UEVLD: variants seen among roughly 807,000 people sequenced by gnomAD.
UEVLD encodes the protein UEV and lactate/malate dehyrogenase domains.
In UEVLD, 47 loss-of-function variants were observed where a neutral mutation model predicts 58.6. The ratio of observed to expected loss-of-function variants is 0.80; its 90% CI spans 0.63 to 1.02. UEVLD has a LOEUF of 1.02. UEVLD is among the 50% of genes least tolerant of loss of function. UEVLD has a pLI of 0.00. For missense variants in UEVLD, 510 were observed against 550.6 expected (o/e 0.93, Z 0.74); for synonymous variants, 197 against 195.3 (o/e 1.01, Z -0.07).
At chr11:18,542,169 T>A (rs1221192478) in intron 9 of UEVLD, among the ~76,000 whole-genome samples, 4 of 152,258 alleles carry the variant, frequency 2.6e-5, no homozygotes, top group East Asian at 3.9e-4. Flanking sequence ...AAACATTCTA[T>A]AAGTTTTGAG....
intron 2 of UEVLD, among the ~76,000 whole-genome samples, chr11:18,576,519 C>A (rs963499162): frequency 6.6e-6 from 1 of 151,754 alleles, no homozygotes; most frequent in Admixed American, 6.6e-5. Flanking sequence ...GAGCGAGACT[C>A]CATCTCAGAA....
intron 9 of UEVLD, among the ~76,000 whole-genome samples, chr11:18,537,425 G>A (rs920126270): frequency 2.7e-5 from 4 of 148,658 alleles, no homozygotes; most frequent in East Asian, 2.0e-4. Flanking sequence ...TCCGCCTCCC[G>A]GTTCAAACAA....
chr11:18,547,073 C>G, intron 7 of UEVLD, 23 bp from the exon 8 acceptor site: 1 of 1,602,740 alleles, frequency 6.2e-7, no homozygotes, highest in East Asian at 2.2e-5. Flanking sequence ...AAGAAACAGT[C>G]TGAGCTGAAG....
intron 8 of UEVLD, among the ~76,000 whole-genome samples, chr11:18,545,946 C>T (rs751884653): frequency 2.6e-5 from 4 of 152,190 alleles, no homozygotes; most frequent in Middle Eastern, 6.8e-3. Flanking sequence ...GATTCAGTGT[C>T]GCATTATGAA....
intron 3 of UEVLD, chr11:18,570,746 A>G (rs1340045550): frequency 1.9e-5 from 2 of 106,480 alleles, no homozygotes; most frequent in Non-Finnish European, 3.5e-5. Flanking sequence ...ACACTGTTTC[A>G]AAAAAAAAAA....
At position 18,534,318 on chromosome 11, in the gene UEVLD, A is replaced by C. The variant is rs1356797064; in HGVS notation, c.1248+12T>G. The C allele has an allele frequency of 1.3e-6, 2 of 1,495,518 alleles. No individual in the cohort carries two copies. Among genetic ancestry groups the C allele is most frequent in the Non-Finnish European group, 1.8e-6 (2 of 1,123,362 alleles). The allele number at this position is 1,495,518 out of a possible 1,614,324, so 92.6% of individuals were successfully genotyped here. A position where few individuals can be genotyped will look rare whatever the true frequency, so the allele number is the denominator to read the frequency against. ...GTTTAAAATATAATAAGAGAATAAG[A>C]ATAGCAATTACCTTTGCTAAAGCTG... On this transcript the variant is annotated intron_variant, in intron 11 of 11. Coordinates refer to ENST00000396197, the MANE Select transcript of UEVLD (RefSeq NM_001040697.4).
At position 18,570,235 on chromosome 11, in the gene UEVLD, G is replaced by C; in HGVS notation, c.336C>G (p.Pro112=). The C allele has an allele frequency of 6.2e-7, 1 of 1,603,730 alleles. No homozygotes were observed. The highest frequency in any genetic ancestry group is 8.5e-7 in the Non-Finnish European group (1 of 1,176,814). The change falls in exon 4 of 12, where the codon CCC becomes CCG. Residue 112 remains proline (P), a synonymous_variant. Transcript: ENST00000396197. ...HVDAQGRIYL[P]YLQNWSHPKS... ...TTACATGGCTCCAGTTTTGGAGATA[G>C]GGCAAATATATTCTGCCTTGAGCAT...
chr11:18,560,138 C>CACACACACACACACACACACACACAG (rs368897951), intron 6 of UEVLD, among the ~76,000 whole-genome samples: 1,484 of 74,108 alleles, frequency 0.02, 118 homozygotes, highest in Middle Eastern at 0.025. Context: ...CACACACACA[C>CACACACACACACACACACACACACAG]AGAGAGAGAA....
intron 9 of UEVLD, among the ~76,000 whole-genome samples, chr11:18,540,006 T>C (rs1285096014): frequency 6.6e-6 from 1 of 152,254 alleles, no homozygotes; most frequent in Admixed American, 6.5e-5. Flanking sequence ...TACATGTTTT[T>C]TGCCAATTTT....
intron 11 of UEVLD, among the ~76,000 whole-genome samples, chr11:18,533,843 G>A (rs1441309171): frequency 6.6e-6 from 1 of 152,064 alleles, no homozygotes; most frequent in Admixed American, 6.6e-5. Flanking sequence ...TTAGTAGAGA[G>A]GGGTTTCACC....
intron 7 of UEVLD, among the ~76,000 whole-genome samples, chr11:18,547,254 G>T (rs1662854253): frequency 6.6e-6 from 1 of 152,164 alleles, no homozygotes; most frequent in Admixed American, 6.6e-5. Context: ...GACTGGGTGT[G>T]GTGGCTCATG....
chr11:18,553,435 T>C (rs1455098695), intron 7 of UEVLD, among the ~76,000 whole-genome samples: 6 of 152,116 alleles, frequency 3.9e-5, no homozygotes, highest in Admixed American at 2.0e-4. Flanking sequence ...GTACTGTTAA[T>C]AAACATCTTC....
chr11:18,561,607 C>A (rs759201004), intron 6 of UEVLD, among the ~76,000 whole-genome samples: 1 of 151,778 alleles, frequency 6.6e-6, no homozygotes, highest in Non-Finnish European at 1.5e-5. Flanking sequence ...TTTGGGAGGC[C>A]GAGGCGGGCA....
chr11:18,573,967 C>CT (rs1565138078), intron 3 of UEVLD, among the ~76,000 whole-genome samples: 1 of 151,042 alleles, frequency 6.6e-6, no homozygotes, highest in East Asian at 1.9e-4. Flanking sequence ...CTCAGCCCCC[C>CT]TTTCAGTGTA....
chr11:18,550,338 G>C (rs552508954), intron 7 of UEVLD, among the ~76,000 whole-genome samples: 2 of 152,128 alleles, frequency 1.3e-5, no homozygotes, highest in South Asian at 4.2e-4. Context: ...GGCTGAATTG[G>C]TCTATACTCA....
At chr11:18,568,903 T>A (rs565183284) in intron 4 of UEVLD, among the ~76,000 whole-genome samples, 2 of 150,324 alleles carry the variant, frequency 1.3e-5, no homozygotes, top group African/African-American at 4.9e-5. Flanking sequence ...ATAAACATAT[T>A]TTTTTTTTTG....
At chr11:18,580,035 C>CTTTTTTTTTTTTTTTTT (rs140542993) in intron 1 of UEVLD, among the ~76,000 whole-genome samples, 1 of 85,414 alleles carries the variant, frequency 1.2e-5, no homozygotes, top group Non-Finnish European at 2.2e-5. Flanking sequence ...TCCCAGCTGG[C>CTTTTTTTTTTTTTTTTT]TTTTTTTTTT....
chr11:18,561,182 G>A (rs1324086659), intron 6 of UEVLD, among the ~76,000 whole-genome samples: 1 of 152,226 alleles, frequency 6.6e-6, no homozygotes, highest in South Asian at 2.1e-4. Flanking sequence ...TTAAATTCTC[G>A]CTTCATCATT....
At chr11:18,565,603 A>G (rs1275444698) in intron 5 of UEVLD, among the ~76,000 whole-genome samples, 1 of 152,118 alleles carries the variant, frequency 6.6e-6, no homozygotes, top group Non-Finnish European at 1.5e-5. Context: ...CCAAGGCGGG[A>G]GGATCACCTG....
Sources: gnomAD v4.1 joint callset for allele counts (sites outside exome capture counted in the v4.1 genomes callset) on GRCh38, gnomAD v4.1.1 for gene constraint, MANE v1.5 for transcripts, NCBI Gene and HGNC (gene_info 2026-07-23, HGNC 2026-07-21) for gene names.